The following FHIP2A variants were observed in gnomAD, a reference collection of about 807,000 sequenced individuals.
FHIP2A encodes FHF complex subunit HOOK interacting protein 2A, also known as family with sequence similarity 160 member B1.
Under a neutral mutation model 93.5 loss-of-function variants are expected in FHIP2A, and 46 were observed. That is an observed-to-expected ratio of 0.49 (90% CI 0.39 to 0.63). The LOEUF (loss-of-function observed/expected upper bound fraction) is 0.63, where lower values mean the gene tolerates loss of function less well. Ranked by LOEUF, FHIP2A falls within the 20% of genes least tolerant of loss-of-function variation. The pLI, the probability that FHIP2A is intolerant of heterozygous loss-of-function variation, is 0.00. For synonymous variants in FHIP2A, 332 were observed against 326.5 expected, an observed-to-expected ratio of 1.02 and a Z score of -0.18; for missense variants, 769 against 909.7, an observed-to-expected ratio of 0.85 and a Z score of 1.99.
Position 114,862,891 on chromosome 10 carries a change from T to C in FHIP2A, c.*1351T>C. ...TGAAGGGAACTGTCACTACCCCCTC[T>C]AGGAAGTTATTTTATGTAGCATGTT... is the stretch of plus-strand genomic sequence containing the variant. On this transcript the variant is annotated 3_prime_UTR_variant, in exon 17 of 17. Transcript: ENST00000369248. 1.0e-6 allele frequency: 1 copy of C among 985,452 alleles called. No homozygotes were observed. The highest frequency in any genetic ancestry group is 1.2e-6 in the Non-Finnish European group (1 of 829,920). 61.0% of individuals were successfully genotyped at this position (985,452 alleles called of 1,614,324 possible).
At chr10:114,868,652 A>C (rs1194182382), downstream of FHIP2A, among the ~76,000 whole-genome samples, 2 of 152,218 alleles carry the variant, frequency 1.3e-5, no homozygotes, top group Non-Finnish European at 2.9e-5. Flanking sequence ...AACCCCTAGC[A>C]GACTGCCAGA....
rs759594250 is a variant in FHIP2A at position 114,830,885 on chromosome 10, G to A, written c.79G>A (p.Val27Ile). ...APSLPLQEDF[V>I]YHWKAITHYY... ...TTCTCTTCCTTTACAAGAAGATTTTGTTTATCACTGGAAGGCAATTACCCA... is the reference window on the plus strand; with the variant it reads ...TTCTCTTCCTTTACAAGAAGATTTTATTTATCACTGGAAGGCAATTACCCA... Residue 27 changes from valine to isoleucine, a missense_variant, in exon 2 of 17, where the codon GTT (valine) becomes ATT (isoleucine). By Grantham distance (29) the Val-to-Ile change is conservative. Coordinates refer to ENST00000369248, the MANE Select transcript of FHIP2A (RefSeq NM_020940.4). 1.9e-6 allele frequency: 3 copies of A among 1,610,140 alleles called. No homozygotes were observed. The highest frequency in any genetic ancestry group is 2.2e-5 in the East Asian group (1 of 44,690).
At chr10:114,874,677 T>G (rs2083875377) in intron 16 of FHIP2A, among the ~76,000 whole-genome samples, 1 of 152,132 alleles carries the variant, frequency 6.6e-6, no homozygotes, top group Admixed American at 6.5e-5. Context: ...TAATTTTTTG[T>G]GTTTTTAGTA....
intron 16 of FHIP2A, among the ~76,000 whole-genome samples, chr10:114,892,805 A>G (rs1218071663): frequency 6.6e-6 from 1 of 152,182 alleles, no homozygotes; most frequent in Non-Finnish European, 1.5e-5. Flanking sequence ...CAGACATTAC[A>G]TGAGACTATG....
Position 114,862,003 on chromosome 10 carries a change from TCAAA to T in FHIP2A, c.*468_*471del, listed in dbSNP as rs375648080. The T allele has an allele frequency of 1.0e-6, 1 of 973,792 alleles. No individual in the cohort carries two copies. Among genetic ancestry groups the T allele is most frequent in the African/African-American group, 1.8e-5 (1 of 57,082 alleles). 60.3% of individuals were successfully genotyped at this position (973,792 alleles called of 1,614,324 possible). On this transcript the variant is annotated 3_prime_UTR_variant, in exon 17 of 17. Coordinates refer to ENST00000369248, the MANE Select transcript of FHIP2A (RefSeq NM_020940.4). ...TAACTTTTTAAGGTCAGAATTCTTA[TCAAA>T]CAAAATATGAAAACTGTAAATGAGA...
At chr10:114,891,844 G>A (rs964950003) in intron 16 of FHIP2A, among the ~76,000 whole-genome samples, 1 of 151,952 alleles carries the variant, frequency 6.6e-6, no homozygotes, top group African/African-American at 2.4e-5. Flanking sequence ...TCAAACTCCT[G>A]ACCTCAGGTG....
intron 1 of FHIP2A, among the ~76,000 whole-genome samples, chr10:114,825,296 G>T (rs1366915990): frequency 1.3e-5 from 2 of 152,156 alleles, no homozygotes; most frequent in Non-Finnish European, 2.9e-5. Context: ...AAAGTGCCAG[G>T]ATTATAGGGA....
chr10:114,868,210 A>G (rs542278328), downstream of FHIP2A, among the ~76,000 whole-genome samples: 60 of 152,230 alleles, frequency 3.9e-4, no homozygotes, highest in African/African-American at 1.4e-3. Context: ...ACAGACCAGT[A>G]CCAGTCCGTG....
At chr10:114,883,514 A>G (rs2083927168) in intron 16 of FHIP2A, among the ~76,000 whole-genome samples, 1 of 152,176 alleles carries the variant, frequency 6.6e-6, no homozygotes, top group Admixed American at 6.6e-5. Flanking sequence ...ATGGTTCTAT[A>G]CTGGATGAAA....
At chr10:114,857,314 C>CTTTTT (rs78583275) in intron 14 of FHIP2A, among the ~76,000 whole-genome samples, 9 of 120,706 alleles carry the variant, frequency 7.5e-5, no homozygotes, top group East Asian at 6.1e-4. Context: ...ATTTCTTCTT[C>CTTTTT]TTTTTTTTTT....
intron 13 of FHIP2A, among the ~76,000 whole-genome samples, chr10:114,852,306 G>A (rs971083886): frequency 2.0e-5 from 3 of 152,010 alleles, no homozygotes; most frequent in Admixed American, 2.0e-4. Flanking sequence ...CTCTATCTGA[G>A]GTGTCCCCAA....
At position 114,890,556 on chromosome 10, in the gene FHIP2A, CTA is replaced by C. The variant is rs1047004761; in HGVS notation, c.2193-8928_2193-8927del. On this transcript the variant is annotated intron_variant, in intron 16 of 16. Transcript: ENST00000369250. Reference sequence around the variant, plus strand: ...ACATATATAGTATATTAAATATACGCTATATATGACATATATAGTATATAAAA... The same window carrying C: ...ACATATATAGTATATTAAATATACGCTATATGACATATATAGTATATAAAA... Among the ~76,000 whole-genome samples, 112 of 145,402 alleles carry C rather than the reference CTA, an allele frequency of 7.7e-4. 1 individual carries two copies. The highest frequency in any genetic ancestry group is 2.6e-3 in the African/African-American group (103 of 39,148).
At chr10:114,848,817 C>T in intron 13 of FHIP2A, 80 bp downstream of exon 13, 3 of 881,646 alleles carry the variant, frequency 3.4e-6, no homozygotes, top group Non-Finnish European at 5.6e-6. Context: ...CCCACCACCA[C>T]TGCTCCAAGG....
chr10:114,837,240 C>T (rs200124898), intron 5 of FHIP2A, among the ~76,000 whole-genome samples: 4 of 152,112 alleles, frequency 2.6e-5, no homozygotes, highest in East Asian at 1.9e-4. Context: ...TCTGGCCAGG[C>T]GCGATGGCTC....
intron 16 of FHIP2A, among the ~76,000 whole-genome samples, chr10:114,879,843 A>G (rs1460385012): frequency 2.0e-5 from 3 of 152,132 alleles, no homozygotes; most frequent in Non-Finnish European, 2.9e-5. Context: ...TACTTTTTAG[A>G]CACAGGAGGC....
At position 114,879,217 on chromosome 10, in the gene FHIP2A, A is replaced by T. The variant is rs190645070; in HGVS notation, c.2192+17883A>T. On this transcript the variant is annotated intron_variant, in intron 16 of 16. Coordinates refer to the FHIP2A transcript ENST00000369250. ...TTTCCACAGCACTGGGCAATCTCCC[A>T]AGACTGCATTGTGATCTGATCTTAA... Among the ~76,000 whole-genome samples the T allele has an allele frequency of 1.1e-4, 17 of 152,298 alleles. No homozygotes were observed. In the East Asian group the frequency reaches 2.7e-3, roughly 24 times the overall value.
chr10:114,847,060 G>A, intron 11 of FHIP2A, 30 bp from the exon 12 acceptor site: 3 of 1,546,404 alleles, frequency 1.9e-6, no homozygotes, highest in Middle Eastern at 1.7e-4. Flanking sequence ...ATAAAATAGT[G>A]CTTTTTATGT....
intron 16 of FHIP2A, among the ~76,000 whole-genome samples, chr10:114,879,738 G>C (rs1387679726): frequency 6.6e-6 from 1 of 152,150 alleles, no homozygotes; most frequent in Non-Finnish European, 1.5e-5. Context: ...TGTCACCCAG[G>C]CTGGAGTGCA....
intron 16 of FHIP2A, among the ~76,000 whole-genome samples, chr10:114,892,255 C>T (rs984703097): frequency 2.0e-5 from 3 of 152,188 alleles, no homozygotes; most frequent in African/African-American, 7.2e-5. Flanking sequence ...TGCCCTACTA[C>T]TTGACCCAAA....
Sources: gnomAD v4.1 joint callset for allele counts (sites outside exome capture counted in the v4.1 genomes callset) on GRCh38, gnomAD v4.1.1 for gene constraint, MANE v1.5 for transcripts, NCBI Gene and HGNC (gene_info 2026-07-23, HGNC 2026-07-21) for gene names.